Variants in RPS6KC1 observed in about 807,000 individuals in gnomAD.
RPS6KC1 encodes ribosomal protein S6 kinase C1, also known as inactive ribosomal protein S6 kinase delta-1.
A neutral mutation model predicts 103.8 loss-of-function variants in RPS6KC1; 54 were observed. The ratio of observed to expected loss-of-function variants is 0.52; its 90% CI spans 0.42 to 0.65. RPS6KC1 has a LOEUF of 0.65. Ranked by LOEUF, RPS6KC1 falls within the 30% of genes least tolerant of loss-of-function variation. The probability of loss-of-function intolerance (pLI) is 0.00; values close to 1 mark genes in which losing one functional copy is unlikely to be tolerated. For synonymous variants in RPS6KC1, 439 were observed against 438.7 expected (o/e 1.00, Z -0.01); for missense variants, 1,151 against 1,253.8 (o/e 0.92, Z 1.24).
chr1:213,335,945 A>G, the RPS6KC1 span, among the ~76,000 whole-genome samples: 2 of 152,216 alleles, frequency 1.3e-5, no homozygotes, highest in Admixed American at 6.5e-5. Context: ...TTATCAGTAT[A>G]TTTCATTTTT....
the RPS6KC1 span, among the ~76,000 whole-genome samples, chr1:213,443,579 G>C: frequency 6.6e-6 from 1 of 152,086 alleles, no homozygotes; most frequent in Non-Finnish European, 1.5e-5. Flanking sequence ...CTGTGACTGG[G>C]AGACTGGCTG....
chr1:213,369,866 G>C, the RPS6KC1 span, among the ~76,000 whole-genome samples: 1 of 152,168 alleles, frequency 6.6e-6, no homozygotes, highest in Non-Finnish European at 1.5e-5. Flanking sequence ...GCCTGGGTTC[G>C]GGGGAAGTGA....
intron 3 of RPS6KC1, among the ~76,000 whole-genome samples, chr1:213,102,002 G>A (rs1391819730): frequency 6.6e-6 from 1 of 152,146 alleles, no homozygotes; most frequent in African/African-American, 2.4e-5. Context: ...ATTAGTGATA[G>A]GTAAGCGAGT....
chr1:213,313,528 T>C, the RPS6KC1 span, among the ~76,000 whole-genome samples: 1 of 152,372 alleles, frequency 6.6e-6, no homozygotes, highest in Non-Finnish European at 1.5e-5. Context: ...CCTTCCATTC[T>C]TGCCGTTTCT....
chr1:213,814,164 T>C, the RPS6KC1 span, among the ~76,000 whole-genome samples: 2 of 152,244 alleles, frequency 1.3e-5, no homozygotes, highest in African/African-American at 4.8e-5. Context: ...CCAGCTGGCA[T>C]GTATCCTTTG....
chr1:213,853,410 A>G, the RPS6KC1 span, among the ~76,000 whole-genome samples: 1 of 152,226 alleles, frequency 6.6e-6, no homozygotes, highest in Non-Finnish European at 1.5e-5. Context: ...TTCATCTGTC[A>G]AATGAGGATA....
At chr1:213,725,878 G>A in the RPS6KC1 span, among the ~76,000 whole-genome samples, 1 of 152,092 alleles carries the variant, frequency 6.6e-6, no homozygotes, top group Non-Finnish European at 1.5e-5. Context: ...CTTGCTGAGT[G>A]CTGGCAAATA....
At chr1:213,232,681 G>T (rs1305996465) in intron 10 of RPS6KC1, among the ~76,000 whole-genome samples, 1 of 152,126 alleles carries the variant, frequency 6.6e-6, no homozygotes, top group Non-Finnish European at 1.5e-5. Context: ...AAGGGTGTTG[G>T]CTTAACATTT....
At chr1:213,607,746 T>C in the RPS6KC1 span, among the ~76,000 whole-genome samples, 1 of 144,046 alleles carries the variant, frequency 6.9e-6, no homozygotes, top group African/African-American at 2.6e-5. Context: ...AAAAAAGAGG[T>C]AGCTTTCTTT....
the RPS6KC1 span, among the ~76,000 whole-genome samples, chr1:213,631,921 T>G: frequency 6.6e-6 from 1 of 152,196 alleles, no homozygotes; most frequent in East Asian, 1.9e-4. Context: ...CTCTCTCCCC[T>G]TTTCCTACCC....
At chr1:213,479,830 A>T in the RPS6KC1 span, among the ~76,000 whole-genome samples, 1 of 60,802 alleles carries the variant, frequency 1.6e-5, no homozygotes, top group African/African-American at 4.5e-5. Context: ...TAGGATCTTT[A>T]AAAAAAATAG....
chr1:213,272,686 C>T lies in RPS6KC1; in HGVS notation c.*52C>T. On this transcript the variant is annotated 3_prime_UTR_variant, in exon 15 of 15. Coordinates refer to ENST00000366960, the MANE Select transcript of RPS6KC1 (RefSeq NM_012424.6). ...TTCTGATCTTCTCTGTGACAGGCAT[C>T]TCCAGCACTGAGGCACCTCTGACTC... 7.4e-7 allele frequency: 1 copy of T among 1,349,038 alleles called. No individual in the cohort carries two copies. The highest frequency in any genetic ancestry group is 2.3e-5 in the East Asian group (1 of 43,356). The allele number at this position is 1,349,038 out of a possible 1,614,324, so 83.6% of individuals were successfully genotyped here.
At chr1:213,636,811 C>A in the RPS6KC1 span, among the ~76,000 whole-genome samples, 3 of 152,070 alleles carry the variant, frequency 2.0e-5, no homozygotes, top group Non-Finnish European at 4.4e-5. Flanking sequence ...AAGAAACTAC[C>A]ATCAGAGTGC....
At chr1:213,530,342 G>A in the RPS6KC1 span, among the ~76,000 whole-genome samples, 97,456 of 152,064 alleles carry the variant, frequency 0.64, 33,572 homozygotes, top group East Asian at 0.98. Flanking sequence ...CAGTTACTCA[G>A]GGAAATGCCT....
intron 6 of RPS6KC1, among the ~76,000 whole-genome samples, chr1:213,167,440 AC>A (rs2091065779): frequency 4.1e-5 from 1 of 24,216 alleles, no homozygotes; most frequent in East Asian, 1.5e-3. Context: ...AAGGTTGAAA[AC>A]ACACACACAC....
the RPS6KC1 span, among the ~76,000 whole-genome samples, chr1:213,425,479 C>T: frequency 2.0e-5 from 3 of 152,192 alleles, no homozygotes; most frequent in African/African-American, 7.2e-5. Flanking sequence ...CTCGAAAATA[C>T]CACTTTGCTT....
chr1:213,746,327 G>A, the RPS6KC1 span, among the ~76,000 whole-genome samples: 1 of 152,216 alleles, frequency 6.6e-6, no homozygotes, highest in Non-Finnish European at 1.5e-5. Context: ...CAGCTGTGCA[G>A]GGATACAGAG....
chr1:213,772,692 A>G, the RPS6KC1 span, among the ~76,000 whole-genome samples: 1 of 151,670 alleles, frequency 6.6e-6, no homozygotes, highest in Non-Finnish European at 1.5e-5. Flanking sequence ...CTGAATCACA[A>G]TGCCGGGGAT....
the RPS6KC1 span, among the ~76,000 whole-genome samples, chr1:213,443,034 T>G: frequency 6.6e-6 from 1 of 151,994 alleles, no homozygotes; most frequent in African/African-American, 2.4e-5. Flanking sequence ...CACTATTAGA[T>G]GCAGAATTTG....
Sources: gnomAD v4.1 joint callset for allele counts (sites outside exome capture counted in the v4.1 genomes callset) on GRCh38, gnomAD v4.1.1 for gene constraint, MANE v1.5 for transcripts, NCBI Gene and HGNC (gene_info 2026-07-23, HGNC 2026-07-21) for gene names.